SCG5: variants seen among roughly 807,000 people sequenced by gnomAD.
The protein encoded by SCG5 is secretogranin V.
Under a neutral mutation model 25.7 loss-of-function variants are expected in SCG5, and 18 were observed. The observed-to-expected ratio is 0.70, with a 90% confidence interval of 0.48 to 1.04. The LOEUF (loss-of-function observed/expected upper bound fraction) is 1.04. Ranked by LOEUF, SCG5 falls within the 50% of genes least tolerant of loss-of-function variation. The pLI is 0.00. For missense variants in SCG5, 206 were observed against 259.8 expected (o/e 0.79, Z 1.42); for synonymous variants, 101 against 91.7 (o/e 1.10, Z -0.58).
At chr15:32,655,176 C>T (rs970757211) in intron 2 of SCG5, among the ~76,000 whole-genome samples, 11 of 152,024 alleles carry the variant, frequency 7.2e-5, no homozygotes, top group Non-Finnish European at 1.3e-4. Context: ...GACGTGGTGG[C>T]GGGCACCTGT....
At chr15:32,651,113 C>T (rs538930484) in intron 2 of SCG5, among the ~76,000 whole-genome samples, 8 of 152,276 alleles carry the variant, frequency 5.3e-5, no homozygotes, top group East Asian at 1.9e-4. Flanking sequence ...GCAGGAGAAT[C>T]GCTTGAACCC....
rs1446332374 is a variant in SCG5, at chr15:32,642,967, C to CGAT, written c.-7-619_-7-618insGAT. 2.0e-5 allele frequency among the ~76,000 whole-genome samples: 3 copies of CGAT among 152,224 alleles called. No homozygotes were observed. The East Asian group carries it at 5.8e-4, about 29-fold the overall frequency. On this transcript the variant is annotated intron_variant, in intron 1 of 5. Transcript: ENST00000300175. ...GGAAACTGAGGGACTTGCCTACGAT[C>CGAT]ACTCAGCATGTGGCTGAGCAAACAA...
intron 2 of SCG5, among the ~76,000 whole-genome samples, chr15:32,667,632 A>G (rs1407676208): frequency 1.3e-5 from 2 of 152,132 alleles, no homozygotes; most frequent in African/African-American, 2.4e-5. Flanking sequence ...CAAAGTTGAT[A>G]ATAACTAGTG....
intron 2 of SCG5, among the ~76,000 whole-genome samples, chr15:32,678,737 G>A (rs1385846986): frequency 2.6e-5 from 4 of 152,120 alleles, no homozygotes; most frequent in Non-Finnish European, 5.9e-5. Context: ...AACATTAAAT[G>A]TCTAAAATGA....
At chr15:32,678,176 A>G (rs2054561501) in intron 2 of SCG5, among the ~76,000 whole-genome samples, 1 of 152,244 alleles carries the variant, frequency 6.6e-6, no homozygotes, top group African/African-American at 2.4e-5. Flanking sequence ...AAGGATAAGA[A>G]GAAATCACAA....
intron 2 of SCG5, among the ~76,000 whole-genome samples, chr15:32,648,871 T>A (rs913787021): frequency 2.2e-4 from 34 of 151,922 alleles, no homozygotes; most frequent in African/African-American, 6.3e-4. Context: ...TCCCGGGTTC[T>A]CGCCATTCTC....
intron 2 of SCG5, among the ~76,000 whole-genome samples, chr15:32,670,294 C>G (rs188784040): frequency 6.3e-4 from 96 of 152,380 alleles, no homozygotes; most frequent in African/African-American, 2.1e-3. Context: ...CTGCCCTTGC[C>G]GGCTATGTGG....
At chr15:32,683,592 C>G (rs933920602) in intron 3 of SCG5, among the ~76,000 whole-genome samples, 1 of 152,126 alleles carries the variant, frequency 6.6e-6, no homozygotes, top group African/African-American at 2.4e-5. Context: ...TATTATGTGC[C>G]GGGTGTTCTA....
intron 2 of SCG5, among the ~76,000 whole-genome samples, chr15:32,657,574 A>G (rs1567073607): frequency 6.6e-6 from 1 of 152,104 alleles, no homozygotes; most frequent in Admixed American, 6.6e-5. Context: ...CAGCTGCCAA[A>G]CCAAAAGTGA....
chr15:32,643,664 AT>A lies in SCG5; in HGVS notation c.75del (p.Phe25LeufsTer42), dbSNP rs1182694104. ...FWLASGWTPA[F>X]AYSPRTPDRV... ...GGCTGGCATCTGGATGGACTCCAGC[AT>A]TTGCTTACAGCCCCCGGACCCCTGA... On this transcript the variant is annotated frameshift_variant, in exon 2 of 6. Transcript: ENST00000300175. LOFTEE classifies it high-confidence loss of function. 1 of 1,613,826 alleles carries A rather than the reference AT, an allele frequency of 6.2e-7. No individual in the cohort carries two copies. Among genetic ancestry groups the A allele is most frequent in the African/African-American group, 1.3e-5 (1 of 74,880 alleles).
chr15:32,662,430 T>C, intron 2 of SCG5, among the ~76,000 whole-genome samples: 1 of 152,196 alleles, frequency 6.6e-6, no homozygotes, highest in Non-Finnish European at 1.5e-5. Context: ...ATTGTTTTAT[T>C]TGTGTTTATT....
Position 32,650,500 on chromosome 15 carries a change from C to T in SCG5, c.226+6682C>T, listed in dbSNP as rs576004787. On this transcript the variant is annotated intron_variant, in intron 2 of 5. Transcript: ENST00000300175. ...CAGTAACCATCTTCTCCCAAGCCCA[C>T]GGTTGCTCACTGGTCTCCAAGACAT... Among the ~76,000 whole-genome samples the T allele has an allele frequency of 2.6e-5, 4 of 152,304 alleles. No individual in the cohort carries two copies. The South Asian group carries it at 6.2e-4, about 24-fold the overall frequency.
rs1555434474 is a variant in SCG5 at position 32,663,079 on chromosome 15, A to ATAAT, written c.227-16687_227-16686insTAAT. Reference sequence around the variant, plus strand: ...TATATATATATATATATATATATATAATATATAATATGTTATATATACACA... The same window carrying ATAAT: ...TATATATATATATATATATATATATATAATATATATAATATGTTATATATACACA... On this transcript the variant is annotated intron_variant, in intron 2 of 5. Transcript: ENST00000300175. 1.1e-3 allele frequency among the ~76,000 whole-genome samples: 74 copies of ATAAT among 65,994 alleles called. 3 individuals carry two copies. In the East Asian group the frequency reaches 0.017, roughly 15 times the overall value. The allele number at this position is 65,994 out of a possible 152,430, so 43.3% of individuals were successfully genotyped here.
intron 2 of SCG5, among the ~76,000 whole-genome samples, chr15:32,659,193 A>G (rs1473944204): frequency 6.7e-6 from 1 of 149,622 alleles, no homozygotes; most frequent in Admixed American, 6.7e-5. Context: ...AACAAACAAA[A>G]AAAACCAAAA....
In SCG5 at chr15:32,687,836, C is replaced by T. The variant is rs138185425; in HGVS notation, c.489+3167C>T. 9.3e-4 allele frequency among the ~76,000 whole-genome samples: 141 copies of T among 152,200 alleles called. 1 individual carries two copies. The highest frequency in any genetic ancestry group is 2.9e-3 in the African/African-American group (119 of 41,494). On this transcript the variant is annotated intron_variant, in intron 4 of 5. Coordinates refer to ENST00000300175, the MANE Select transcript of SCG5 (RefSeq NM_001144757.3). ...TATTAACGACACATCATATGCCTTC[C>T]GGGCCCCGTGTTAGGTAATGGGAAT...
intron 2 of SCG5, among the ~76,000 whole-genome samples, chr15:32,663,116 A>G (rs2054264645): frequency 6.8e-6 from 1 of 146,666 alleles, no homozygotes; most frequent in South Asian, 2.1e-4. Flanking sequence ...ATGTATACAT[A>G]TATACATATA....
intron 2 of SCG5, among the ~76,000 whole-genome samples, chr15:32,658,564 T>A (rs2054163234): frequency 6.6e-6 from 1 of 152,246 alleles, no homozygotes; most frequent in Admixed American, 6.5e-5. Context: ...CAAGTTTTTC[T>A]GCTTAAAGAG....
chr15:32,661,491 A>G (rs964514730), intron 2 of SCG5, among the ~76,000 whole-genome samples: 3 of 152,144 alleles, frequency 2.0e-5, no homozygotes, highest in Admixed American at 6.5e-5. Flanking sequence ...GTGGTGGTGC[A>G]TGCCTGTAAT....
At chr15:32,672,870 A>G (rs1334948780) in intron 2 of SCG5, 1 of 151,114 alleles carries the variant, frequency 6.6e-6, no homozygotes, top group Non-Finnish European at 1.5e-5. Flanking sequence ...GACGTTTTTA[A>G]TAAGGATGAA....
Sources: gnomAD v4.1 joint callset for allele counts (sites outside exome capture counted in the v4.1 genomes callset) on GRCh38, gnomAD v4.1.1 for gene constraint, MANE v1.5 for transcripts, NCBI Gene and HGNC (gene_info 2026-07-23, HGNC 2026-07-21) for gene names.